The following CERS4 variants were observed in gnomAD, a reference collection of about 807,000 sequenced individuals.
The protein encoded by CERS4 is ceramide synthase 4.
Under a neutral mutation model 51.8 loss-of-function variants are expected in CERS4, and 65 were observed. That is an observed-to-expected ratio of 1.26 (90% CI 1.03 to 1.54). The LOEUF is 1.54. Ranked by LOEUF, CERS4 falls within the 40% of genes most tolerant of loss-of-function variation. CERS4 has a pLI of 0.00. For synonymous variants in CERS4, 228 were observed against 208.4 expected (o/e 1.09, Z -0.81); for missense variants, 563 against 500.4 (o/e 1.13, Z -1.19).
intron 3 of CERS4, among the ~76,000 whole-genome samples, chr19:8,253,288 T>TG (rs1451771990): frequency 6.6e-6 from 1 of 151,890 alleles, no homozygotes; most frequent in Non-Finnish European, 1.5e-5. Flanking sequence ...CCCCTGCCCA[T>TG]GGGGAGCCCC....
chr19:8,212,104 C>G (rs148838984), intron 2 of CERS4, among the ~76,000 whole-genome samples: 39 of 152,104 alleles, frequency 2.6e-4, no homozygotes, highest in African/African-American at 9.2e-4. Flanking sequence ...TTGGATGAAA[C>G]AACCACAAAG....
chr19:8,215,128 C>G (rs1002030085), intron 2 of CERS4, among the ~76,000 whole-genome samples: 12 of 151,782 alleles, frequency 7.9e-5, no homozygotes, highest in Non-Finnish European at 1.5e-4. Context: ...GATGGGGGAG[C>G]CCTAGGGATG....
At chr19:8,250,755 T>C in intron 2 of CERS4, 3 of 1,032,022 alleles carry the variant, frequency 2.9e-6, no homozygotes, top group Non-Finnish European at 2.3e-6. Context: ...GCGCCCGGCC[T>C]ACTACTCTGT....
At chr19:8,249,844 C>T (rs533364290) in intron 2 of CERS4, among the ~76,000 whole-genome samples, 1 of 152,118 alleles carries the variant, frequency 6.6e-6, no homozygotes, top group South Asian at 2.1e-4. Context: ...CTGCCTCGGC[C>T]TCCCAAAGTG....
chr19:8,257,065 C>G lies in CERS4; in HGVS notation c.729C>G (p.Asp243Glu), dbSNP rs1250168951. ...SLVLLLHDSS[D>E]YLLEACKMVN... ...TGCTGCTGTTACACGATTCCTCTGA[C>G]TACCTGCTGGAGGTGGGCCCGACCC... The change falls in exon 9 of 12, where the codon GAC becomes GAG. Residue 243 changes from aspartate (D) to glutamate (E), a missense_variant. Physicochemically the swap from Asp to Glu is conservative, Grantham distance 45. Transcript: ENST00000251363. The G allele has an allele frequency of 1.9e-6, 3 of 1,602,060 alleles. No individual in the cohort carries two copies. Among genetic ancestry groups the G allele is most frequent in the Admixed American group, 1.7e-5 (1 of 59,274 alleles).
In CERS4 at chr19:8,244,945, C is replaced by T. The variant is rs888310316; in HGVS notation, c.-1-6131C>T. 8.6e-5 allele frequency among the ~76,000 whole-genome samples: 13 copies of T among 151,996 alleles called. No homozygotes were observed. In the South Asian group the frequency reaches 1.7e-3, roughly 19 times the overall value. The stretch of plus-strand genomic sequence containing the variant: ...GGATCACGAGGTCAGGAGATCTAGA[C>T]CATCCTGGCTAACATGGTGAAACCC... On this transcript the variant is annotated intron_variant, in intron 2 of 11. Coordinates refer to ENST00000251363, the MANE Select transcript of CERS4 (RefSeq NM_024552.3).
chr19:8,261,451 G>A (rs1340123517), intron 10 of CERS4: 4 of 559,650 alleles, frequency 7.1e-6, no homozygotes, highest in Admixed American at 6.1e-5. Context: ...GCTTGGGTGG[G>A]GTTCATAGTC....
At chr19:8,227,387 A>C (rs1358346124) in intron 2 of CERS4, among the ~76,000 whole-genome samples, 1 of 151,766 alleles carries the variant, frequency 6.6e-6, no homozygotes, top group Admixed American at 6.6e-5. Flanking sequence ...GCTGGAGTGC[A>C]GTGGTGCGAT....
intron 2 of CERS4, among the ~76,000 whole-genome samples, chr19:8,238,745 C>G (rs181080957): frequency 6.9e-4 from 105 of 152,156 alleles, no homozygotes; most frequent in Non-Finnish European, 1.1e-3. Flanking sequence ...TGGGGATACC[C>G]AGGGGACATG....
At chr19:8,239,709 G>T (rs1355930447) in intron 2 of CERS4, 5 of 151,736 alleles carry the variant, frequency 3.3e-5, no homozygotes, top group African/African-American at 1.2e-4. Flanking sequence ...TCCTTTATGG[G>T]AATGTTTATG....
chr19:8,237,125 G>A (rs1240339680), intron 2 of CERS4, among the ~76,000 whole-genome samples: 2 of 151,750 alleles, frequency 1.3e-5, no homozygotes, highest in African/African-American at 4.8e-5. Context: ...ACACAGAGAC[G>A]ATTATAGATA....
At chr19:8,261,867 G>T in intron 11 of CERS4, 23 bp downstream of exon 11, 3 of 1,613,824 alleles carry the variant, frequency 1.9e-6, no homozygotes, top group Non-Finnish European at 2.5e-6. Context: ...CTCCCCGGGG[G>T]CCCCAGCCCT....
intron 2 of CERS4, chr19:8,214,545 T>C (rs911689650): frequency 6.6e-6 from 1 of 151,582 alleles, no homozygotes; most frequent in African/African-American, 2.4e-5. Flanking sequence ...AGTCATAGAG[T>C]AGAGAGAGGA....
Position 8,256,948 on chromosome 19 carries a change from G to A in CERS4, c.613-1G>A. 1 of 1,614,166 alleles carries A rather than the reference G, an allele frequency of 6.2e-7. No homozygotes were observed. Among genetic ancestry groups the A allele is most frequent in the Non-Finnish European group, 8.5e-7 (1 of 1,180,030 alleles). On this transcript the variant is annotated splice_acceptor_variant, in intron 8 of 11. Coordinates refer to ENST00000251363, the MANE Select transcript of CERS4 (RefSeq NM_024552.3). LOFTEE classifies it high-confidence loss of function. ...CCACTATGACCCACCGTCTACTGCA[G>A]GATTTCAAGGAGCAGGTGATACACC...
intron 2 of CERS4, chr19:8,240,626 G>A (rs914478175): frequency 6.7e-6 from 1 of 148,682 alleles, no homozygotes; most frequent in African/African-American, 2.5e-5. Flanking sequence ...TTTCATCTCT[G>A]GGAGGCCCAG....
intron 2 of CERS4, among the ~76,000 whole-genome samples, chr19:8,235,778 C>T (rs923148530): frequency 6.6e-6 from 1 of 151,900 alleles, no homozygotes; most frequent in East Asian, 1.9e-4. Flanking sequence ...TCTGTGGTTC[C>T]AGCTACTCAG....
intron 2 of CERS4, among the ~76,000 whole-genome samples, chr19:8,233,044 T>G (rs1968084701): frequency 6.6e-6 from 1 of 150,942 alleles, no homozygotes; most frequent in South Asian, 2.1e-4. Context: ...AGCCTGAATC[T>G]TTTTATTTTA....
rs1005149817 is a variant in CERS4, at chr19:8,261,711, A to G, written c.872A>G (p.Glu291Gly). The change falls in exon 11 of 12, where the codon GAG (glutamate) becomes GGG (glycine). Residue 291 changes from glutamate to glycine, a missense_variant. Coordinates refer to ENST00000251363, the MANE Select transcript of CERS4 (RefSeq NM_024552.3). ...AGGATCCTCTACACCACATACTACGAGTCCATCAGCAACAGGGGCCCCTTC... is the reference window on the plus strand; with the variant it reads ...AGGATCCTCTACACCACATACTACGGGTCCATCAGCAACAGGGGCCCCTTC... ...PTQILYTTYY[E>G]SISNRGPFFG... 1.2e-6 allele frequency: 2 copies of G among 1,614,100 alleles called. No individual in the cohort carries two copies. Among genetic ancestry groups the G allele is most frequent in the South Asian group, 1.1e-5 (1 of 91,088 alleles).
chr19:8,252,882 T>C (rs1969160452), intron 3 of CERS4, among the ~76,000 whole-genome samples: 1 of 152,184 alleles, frequency 6.6e-6, no homozygotes, highest in Non-Finnish European at 1.5e-5. Context: ...ACCAGAATCC[T>C]GAGTTCAAAT....
Sources: gnomAD v4.1 joint callset for allele counts (sites outside exome capture counted in the v4.1 genomes callset) on GRCh38, gnomAD v4.1.1 for gene constraint, MANE v1.5 for transcripts, NCBI Gene and HGNC (gene_info 2026-07-23, HGNC 2026-07-21) for gene names.